The following CLSTN2 variants were observed in gnomAD, a reference collection of about 807,000 sequenced individuals.
CLSTN2 encodes calsyntenin 2, also known as calsyntenin-2.
Under a neutral mutation model 101.2 loss-of-function variants are expected in CLSTN2, and 48 were observed. The ratio of observed to expected loss-of-function variants is 0.47; its 90% confidence interval spans 0.38 to 0.60. CLSTN2 has a LOEUF of 0.60. Among genes scored for constraint, CLSTN2 ranks in the 20% least tolerant of loss-of-function variants. The probability of loss-of-function intolerance (pLI) is 0.00; values close to 1 mark genes in which losing one functional copy is unlikely to be tolerated. For missense variants in CLSTN2, 1,160 were observed against 1,238.2 expected (o/e 0.94, Z 0.95); for synonymous variants, 481 against 463.6 (o/e 1.04, Z -0.48).
At chr3:140,079,438 A>G (rs1432250772) in intron 1 of CLSTN2, among the ~76,000 whole-genome samples, 3 of 152,168 alleles carry the variant, frequency 2.0e-5, no homozygotes, top group African/African-American at 7.2e-5. Context: ...ATCATGTACT[A>G]TGGACACTGT....
At chr3:140,419,920 T>C (rs1267212355) in intron 4 of CLSTN2, among the ~76,000 whole-genome samples, 1 of 146,696 alleles carries the variant, frequency 6.8e-6, no homozygotes, top group African/African-American at 2.6e-5. Context: ...TTTCAGACAG[T>C]CTTGCTCTGT....
At chr3:140,535,866 G>T (rs1935349641) in intron 9 of CLSTN2, among the ~76,000 whole-genome samples, 1 of 152,128 alleles carries the variant, frequency 6.6e-6, no homozygotes, top group Non-Finnish European at 1.5e-5. Flanking sequence ...TTGCTAATTG[G>T]TCATTTTGCT....
chr3:140,491,351 G>T (rs183512096), intron 8 of CLSTN2, among the ~76,000 whole-genome samples: 6 of 152,228 alleles, frequency 3.9e-5, no homozygotes, highest in Admixed American at 6.5e-5. Context: ...TGTTTCAGTG[G>T]TATCAATTCA....
At chr3:140,392,980 T>A (rs974112497) in intron 2 of CLSTN2, among the ~76,000 whole-genome samples, 1 of 151,678 alleles carries the variant, frequency 6.6e-6, no homozygotes, top group Non-Finnish European at 1.5e-5. Context: ...GAAGGCTGAG[T>A]GTTGTCATTC....
chr3:140,220,161 A>G (rs887397973), intron 2 of CLSTN2, among the ~76,000 whole-genome samples: 1 of 152,222 alleles, frequency 6.6e-6, no homozygotes, highest in Non-Finnish European at 1.5e-5. Context: ...AAATGCTTTC[A>G]GTCTCAGCAC....
At chr3:140,502,418 T>C (rs1023201320) in intron 8 of CLSTN2, among the ~76,000 whole-genome samples, 5 of 152,160 alleles carry the variant, frequency 3.3e-5, no homozygotes, top group Non-Finnish European at 5.9e-5. Context: ...ATTGAGCCCT[T>C]ATTAAACAGC....
chr3:140,332,920 T>C (rs549041713), intron 2 of CLSTN2, among the ~76,000 whole-genome samples: 6 of 152,296 alleles, frequency 3.9e-5, no homozygotes, highest in African/African-American at 1.4e-4. Flanking sequence ...TCTTAGTGTC[T>C]TACTGACCTG....
intron 2 of CLSTN2, among the ~76,000 whole-genome samples, chr3:140,203,461 GTTTTTTTTTTTTTTT>G (rs58182333): frequency 1.0e-4 from 7 of 67,922 alleles, no homozygotes; most frequent in South Asian, 1.4e-3. Flanking sequence ...GAAAGTGTGG[GTTTTTTTTTTTTTTT>G]TTTTTTTTTT....
intron 1 of CLSTN2, among the ~76,000 whole-genome samples, chr3:140,079,661 G>A (rs2008552668): frequency 6.6e-6 from 1 of 151,504 alleles, no homozygotes; most frequent in African/African-American, 2.4e-5. Context: ...TGAAGCAGGA[G>A]AATCGCTTGA....
At chr3:140,542,557 A>G (rs1015593364) in intron 9 of CLSTN2, among the ~76,000 whole-genome samples, 12 of 152,148 alleles carry the variant, frequency 7.9e-5, no homozygotes, top group African/African-American at 1.9e-4. Flanking sequence ...CAATATATCT[A>G]TTATTTTTTT....
At chr3:140,303,856 T>A (rs2087085473) in intron 2 of CLSTN2, among the ~76,000 whole-genome samples, 1 of 151,626 alleles carries the variant, frequency 6.6e-6, no homozygotes, top group South Asian at 2.1e-4. Context: ...TGGACTTCCA[T>A]GGGATCAACA....
rs74992089 is a variant in CLSTN2, at chr3:140,264,706, G to A, written c.232+88633G>A. Among the ~76,000 whole-genome samples, 8 of 152,126 alleles carry A rather than the reference G, an allele frequency of 5.3e-5. No individual in the cohort carries two copies. The East Asian group carries it at 7.8e-4, about 15-fold the overall frequency. On this transcript the variant is annotated intron_variant, in intron 2 of 16. Coordinates refer to ENST00000458420, the MANE Select transcript of CLSTN2 (RefSeq NM_022131.3). Reference sequence around the variant, plus strand: ...TTTCATTGTCAAGAGATAATCTCAAGCCTCTTTGGTAAGTGGCCCAGGAGC... The same window carrying A: ...TTTCATTGTCAAGAGATAATCTCAAACCTCTTTGGTAAGTGGCCCAGGAGC...
intron 4 of CLSTN2, among the ~76,000 whole-genome samples, chr3:140,407,642 T>C (rs1265460080): frequency 1.8e-4 from 27 of 152,312 alleles, no homozygotes; most frequent in African/African-American, 6.3e-4. Flanking sequence ...TGAGATTTAT[T>C]TACCAGGCTT....
intron 2 of CLSTN2, among the ~76,000 whole-genome samples, chr3:140,402,267 T>C (rs913131034): frequency 6.6e-6 from 1 of 152,196 alleles, no homozygotes; most frequent in Non-Finnish European, 1.5e-5. Context: ...GAGTGGTTCC[T>C]TAGAAGTTAT....
chr3:139,954,606 C>G (rs1300731353), intron 1 of CLSTN2, among the ~76,000 whole-genome samples: 1 of 152,084 alleles, frequency 6.6e-6, no homozygotes, highest in Admixed American at 6.6e-5. Flanking sequence ...ACCCAAGTGT[C>G]TGGGGGAACA....
intron 1 of CLSTN2, among the ~76,000 whole-genome samples, chr3:140,075,727 ACTCAGCTTTTTTGGTTCTAGTG>A (rs1388317316): frequency 1.3e-5 from 2 of 152,036 alleles, no homozygotes; most frequent in African/African-American, 4.8e-5. Context: ...GTCCAGTCAA[ACTCAGCTTTTTTGGTTCTAGTG>A]CTCAGCTTTT....
At chr3:140,082,764 G>T (rs1383135386) in intron 1 of CLSTN2, among the ~76,000 whole-genome samples, 1 of 152,184 alleles carries the variant, frequency 6.6e-6, no homozygotes, top group African/African-American at 2.4e-5. Flanking sequence ...ATCCACCATA[G>T]TTTCCTATGG....
intron 1 of CLSTN2, among the ~76,000 whole-genome samples, chr3:140,024,326 T>A (rs2007376610): frequency 6.6e-6 from 1 of 152,240 alleles, no homozygotes; most frequent in East Asian, 1.9e-4. Flanking sequence ...CTGCCTTTTC[T>A]TGTATCTGTT....
intron 2 of CLSTN2, among the ~76,000 whole-genome samples, chr3:140,231,210 C>G (rs2086368967): frequency 1.3e-5 from 2 of 152,078 alleles, no homozygotes; most frequent in Admixed American, 1.3e-4. Context: ...ACTATCTCAT[C>G]ATGTCACCCA....
Sources: gnomAD v4.1 joint callset for allele counts (sites outside exome capture counted in the v4.1 genomes callset) on GRCh38, gnomAD v4.1.1 for gene constraint, MANE v1.5 for transcripts, NCBI Gene and HGNC (gene_info 2026-07-23, HGNC 2026-07-21) for gene names.